The following CACNA2D3 variants were observed in gnomAD, a reference collection of about 807,000 sequenced individuals.
CACNA2D3 encodes the protein calcium voltage-gated channel auxiliary subunit alpha2delta 3.
CACNA2D3 carries 60 observed loss-of-function variants against 160.6 expected under a neutral mutation model. The ratio of observed to expected loss-of-function variants is 0.37; its 90% CI spans 0.30 to 0.46. The LOEUF (loss-of-function observed/expected upper bound fraction) is 0.46, where lower values mean the gene tolerates loss of function less well. Among genes scored for constraint, CACNA2D3 ranks in the 20% least tolerant of loss-of-function variants. The pLI is 1.00. For synonymous variants in CACNA2D3, 558 were observed against 492.9 expected (o/e 1.13, Z -1.75); for missense variants, 1,205 against 1,365.0 (o/e 0.88, Z 1.85).
chr3:54,961,385 G>A (rs950727277), intron 27 of CACNA2D3, among the ~76,000 whole-genome samples: 1 of 152,200 alleles, frequency 6.6e-6, no homozygotes, highest in African/African-American at 2.4e-5. Context: ...ACTCCTAAGA[G>A]ATGAAATATA....
intron 4 of CACNA2D3, among the ~76,000 whole-genome samples, chr3:54,456,568 T>A (rs550604168): frequency 2.6e-5 from 4 of 152,084 alleles, no homozygotes; most frequent in African/African-American, 9.6e-5. Flanking sequence ...AGTTTTCTTT[T>A]TTTGGTTGGT....
chr3:54,571,092 G>A (rs1702488847), intron 8 of CACNA2D3, among the ~76,000 whole-genome samples: 1 of 152,110 alleles, frequency 6.6e-6, no homozygotes, highest in Non-Finnish European at 1.5e-5. Flanking sequence ...AGGACAGCTC[G>A]AAGCAGGGGC....
At chr3:54,644,829 T>C (rs1699603412) in intron 11 of CACNA2D3, among the ~76,000 whole-genome samples, 1 of 152,214 alleles carries the variant, frequency 6.6e-6, no homozygotes, top group Non-Finnish European at 1.5e-5. Flanking sequence ...ACCACACTTG[T>C]GGAACTACTG....
intron 29 of CACNA2D3, among the ~76,000 whole-genome samples, chr3:54,980,177 C>A (rs779677409): frequency 1.3e-5 from 2 of 152,116 alleles, no homozygotes; most frequent in Non-Finnish European, 2.9e-5. Flanking sequence ...TTAATAAAAC[C>A]TTATAGACAA....
intron 4 of CACNA2D3, among the ~76,000 whole-genome samples, chr3:54,405,005 A>C (rs1388762980): frequency 6.6e-6 from 1 of 151,932 alleles, no homozygotes; most frequent in Admixed American, 6.6e-5. Flanking sequence ...TGATGAAAGA[A>C]ATTGAAGAGG....
At chr3:54,130,133 A>G (rs182861084) in intron 2 of CACNA2D3, among the ~76,000 whole-genome samples, 10 of 152,338 alleles carry the variant, frequency 6.6e-5, no homozygotes, top group African/African-American at 2.4e-4. Context: ...TAAGAATTCC[A>G]GGATGTGGCA....
intron 17 of CACNA2D3, among the ~76,000 whole-genome samples, chr3:54,859,972 G>GCGCGCGCGCACACACACACACACACA (rs535185040): frequency 3.7e-5 from 5 of 133,884 alleles, no homozygotes; most frequent in African/African-American, 1.4e-4. Flanking sequence ...GAAAGTAGAT[G>GCGCGCGCGCACACACACACACACACA]CACACACACA....
chr3:54,889,341 G>A (rs548822475), intron 24 of CACNA2D3, among the ~76,000 whole-genome samples: 236 of 152,172 alleles, frequency 1.6e-3, no homozygotes, highest in Non-Finnish European at 2.9e-3. Context: ...AGGGTGATGG[G>A]GTAAGAACAA....
At chr3:54,896,954 G>C (rs1700204776) in intron 26 of CACNA2D3, 84 bp downstream of exon 26, 5 of 1,575,544 alleles carry the variant, frequency 3.2e-6, no homozygotes, top group Non-Finnish European at 4.3e-6. Flanking sequence ...GGAGCTGCCT[G>C]AATGCTGAAA....
At chr3:55,006,483 A>T (rs1192285752) in intron 32 of CACNA2D3, among the ~76,000 whole-genome samples, 2 of 152,190 alleles carry the variant, frequency 1.3e-5, no homozygotes, top group Non-Finnish European at 2.9e-5. Flanking sequence ...TGAAAGCAAG[A>T]TGATTATTTT....
intron 35 of CACNA2D3, among the ~76,000 whole-genome samples, chr3:55,034,757 A>G (rs1703775330): frequency 6.6e-6 from 1 of 152,150 alleles, no homozygotes; most frequent in South Asian, 2.1e-4. Context: ...TTTCTTAAAA[A>G]ACTAACCACA....
At chr3:54,790,952 T>G (rs1702742629) in intron 13 of CACNA2D3, among the ~76,000 whole-genome samples, 1 of 152,334 alleles carries the variant, frequency 6.6e-6, no homozygotes, top group East Asian at 1.9e-4. Flanking sequence ...AATTCTCACT[T>G]CTGTGGTGTC....
intron 4 of CACNA2D3, among the ~76,000 whole-genome samples, chr3:54,442,935 A>G (rs991198225): frequency 6.6e-6 from 1 of 152,034 alleles, no homozygotes; most frequent in African/African-American, 2.4e-5. Flanking sequence ...TGCTTATGAA[A>G]CCCATTCCAC....
intron 2 of CACNA2D3, among the ~76,000 whole-genome samples, chr3:54,131,544 A>G (rs927381134): frequency 2.0e-5 from 3 of 152,226 alleles, no homozygotes; most frequent in Non-Finnish European, 4.4e-5. Flanking sequence ...TCAGTTGTTT[A>G]GGACGATATG....
At chr3:55,012,826 G>A (rs904385162) in intron 34 of CACNA2D3, among the ~76,000 whole-genome samples, 1 of 152,114 alleles carries the variant, frequency 6.6e-6, no homozygotes, top group Non-Finnish European at 1.5e-5. Flanking sequence ...TGCAGAGTAG[G>A]GGACAGTGAC....
At chr3:54,993,501 G>A (rs1350289561) in intron 31 of CACNA2D3, among the ~76,000 whole-genome samples, 2 of 152,162 alleles carry the variant, frequency 1.3e-5, no homozygotes, top group Non-Finnish European at 2.9e-5. Context: ...TTTGAGCCAG[G>A]GAGACCGAAG....
intron 27 of CACNA2D3, among the ~76,000 whole-genome samples, chr3:54,912,728 T>C (rs1700585642): frequency 6.6e-6 from 1 of 152,138 alleles, no homozygotes; most frequent in African/African-American, 2.4e-5. Context: ...ATATGATTTG[T>C]ATTTCTTTAT....
intron 30 of CACNA2D3, among the ~76,000 whole-genome samples, chr3:54,985,246 G>A (rs1702589471): frequency 6.6e-6 from 1 of 152,146 alleles, no homozygotes; most frequent in African/African-American, 2.4e-5. Flanking sequence ...CAGTGTAGGG[G>A]TGGGAGGGAG....
intron 12 of CACNA2D3, among the ~76,000 whole-genome samples, chr3:54,763,455 T>G (rs912390368): frequency 3.9e-5 from 6 of 152,024 alleles, no homozygotes; most frequent in Non-Finnish European, 8.8e-5. Context: ...ATAACTATTA[T>G]TGTTATGTTT....
Sources: gnomAD v4.1 joint callset for allele counts (sites outside exome capture counted in the v4.1 genomes callset) on GRCh38, gnomAD v4.1.1 for gene constraint, MANE v1.5 for transcripts, NCBI Gene and HGNC (gene_info 2026-07-23, HGNC 2026-07-21) for gene names.